LATS2: variants seen among roughly 807,000 people sequenced by gnomAD.
The protein encoded by LATS2 is serine/threonine-protein kinase LATS2.
LATS2 carries 24 observed loss-of-function variants against 76.0 expected under a neutral mutation model. The observed-to-expected ratio is 0.32, with a 90% CI of 0.23 to 0.44. The LOEUF (loss-of-function observed/expected upper bound fraction) is 0.44. LATS2 is among the 20% of genes least tolerant of loss of function. LATS2 has a pLI of 1.00. For missense variants in LATS2, 1,286 were observed against 1,481.2 expected, an observed-to-expected ratio of 0.87 and a Z score of 2.16; for synonymous variants, 692 against 635.4, an observed-to-expected ratio of 1.09 and a Z score of -1.34.
At chr13:21,009,542 T>C (rs957848861) in intron 2 of LATS2, among the ~76,000 whole-genome samples, 3 of 152,172 alleles carry the variant, frequency 2.0e-5, no homozygotes, top group Admixed American at 1.3e-4. Flanking sequence ...ACAACAAAAA[T>C]GTAGGTAACA....
At position 20,973,206 on chromosome 13, in the gene LATS2, T is replaced by C; in HGVS notation, c.*1664A>G. ...CACGACTATAAAATAGCGAGAATAC[T>C]GACAGTCACGACGACAGGCACAGCA... On this transcript the variant is annotated 3_prime_UTR_variant, in exon 8 of 8. Transcript: ENST00000382592. The C allele has an allele frequency of 8.6e-6, 2 of 232,712 alleles. No homozygotes were observed. Among genetic ancestry groups the C allele is most frequent in the African/African-American group, 2.2e-5 (1 of 45,426 alleles). 14.4% of individuals were successfully genotyped at this position (232,712 alleles called of 1,614,324 possible). A position where few individuals can be genotyped will look rare whatever the true frequency, so the allele number is the denominator to read the frequency against.
chr13:21,033,428 G>A (rs868584039), intron 2 of LATS2, among the ~76,000 whole-genome samples: 3 of 151,820 alleles, frequency 2.0e-5, no homozygotes, highest in South Asian at 4.2e-4. Flanking sequence ...AGATGTGCAC[G>A]GGAAGACTGG....
At chr13:21,007,630 A>G (rs1240643800) in intron 2 of LATS2, among the ~76,000 whole-genome samples, 7 of 622 alleles carry the variant, frequency 0.011, 1 homozygote, top group Non-Finnish European at 0.037. Context: ...TAGTGTATAT[A>G]TATATATATA....
At chr13:20,998,346 C>A (rs1038978349) in intron 2 of LATS2, among the ~76,000 whole-genome samples, 1 of 151,642 alleles carries the variant, frequency 6.6e-6, no homozygotes, top group African/African-American at 2.4e-5. Flanking sequence ...GAGCAAGAGA[C>A]CCTGTCTCAA....
In LATS2 at chr13:21,016,872, C is replaced by T. The variant is rs755169631; in HGVS notation, c.343-25468G>A. 2.2e-4 allele frequency among the ~76,000 whole-genome samples: 33 copies of T among 152,206 alleles called. 1 individual carries two copies. Among genetic ancestry groups the T allele is most frequent in the Non-Finnish European group, 2.6e-4 (18 of 68,032 alleles). On this transcript the variant is annotated intron_variant, in intron 2 of 7. Coordinates refer to ENST00000382592, the MANE Select transcript of LATS2 (RefSeq NM_014572.3). ...TTATCACGGCAGAGTCCTTAACTGC[C>T]TACCTTGTTCCTGTTGTTAAGTCCG...
At chr13:21,038,981 G>GAAAACA (rs1307685750) in intron 2 of LATS2, among the ~76,000 whole-genome samples, 9 of 152,148 alleles carry the variant, frequency 5.9e-5, no homozygotes, top group Admixed American at 4.6e-4. Context: ...TCCATCTCAA[G>GAAAACA]AAAACAAAAA....
At chr13:21,014,173 G>A (rs566054908) in intron 2 of LATS2, among the ~76,000 whole-genome samples, 6 of 152,208 alleles carry the variant, frequency 3.9e-5, no homozygotes, top group East Asian at 1.9e-4. Flanking sequence ...AATATGAGTC[G>A]GGGGCAGGGG....
chr13:21,035,159 T>C (rs1210072529), intron 2 of LATS2, among the ~76,000 whole-genome samples: 1 of 152,092 alleles, frequency 6.6e-6, no homozygotes, highest in East Asian at 1.9e-4. Flanking sequence ...AAAAATTGCA[T>C]GATGAATGTG....
intron 2 of LATS2, among the ~76,000 whole-genome samples, chr13:21,035,721 G>A (rs2138386984): frequency 6.6e-6 from 1 of 152,262 alleles, no homozygotes; most frequent in Admixed American, 6.5e-5. Flanking sequence ...TATCTGTACT[G>A]CACACTGGGA....
At position 20,989,197 on chromosome 13, in the gene LATS2, T is replaced by G; in HGVS notation, c.583A>C (p.Ser195Arg). The change falls in exon 4 of 8, where the codon AGC becomes CGC. Residue 195 changes from serine (S) to arginine (R), a missense_variant. Physicochemically the swap from Ser to Arg is moderately radical, Grantham distance 110 (BLOSUM62 -1). Around this residue, in one of 5 missense-constraint regions of LATS2, gnomAD observed 710 missense variants for 660.9 expected, o/e 1.07. Transcript: ENST00000382592. ...QLSGTPYEGP[S>R]FGADGPTALE... ...GCCGTGGGGCCGTCAGCGCCGAAGC[T>G]TGGGCCCTCGTAGGGGGTACCGCTC... 3 of 1,613,662 alleles carry G rather than the reference T, an allele frequency of 1.9e-6. No homozygotes were observed. Among genetic ancestry groups the G allele is most frequent in the Non-Finnish European group, 2.5e-6 (3 of 1,179,988 alleles).
rs2138297586 is a variant in LATS2 at position 20,991,757 on chromosome 13, A to G, written c.343-353T>C. Among the ~76,000 whole-genome samples, 1 of 152,366 alleles carries G rather than the reference A, an allele frequency of 6.6e-6. No individual in the cohort carries two copies. Among genetic ancestry groups the G allele is most frequent in the Middle Eastern group, 3.4e-3 (1 of 294 alleles). Reference sequence around the variant, plus strand: ...ATGAACCTAAAACTAGAAACATTTAAGGGGAAGAACTGTGGGAGTCAGGGA... The same window carrying G: ...ATGAACCTAAAACTAGAAACATTTAGGGGGAAGAACTGTGGGAGTCAGGGA... On this transcript the variant is annotated intron_variant, in intron 2 of 7. Transcript: ENST00000382592. This position sits in a 1 kb window ranked among gnomAD's most constrained non-coding sequence, Gnocchi z 4.9.
chr13:21,060,193 C>G (rs9552339), intron 1 of LATS2, among the ~76,000 whole-genome samples: 101,990 of 151,950 alleles, frequency 0.67, 34,790 homozygotes, highest in Non-Finnish European at 0.75. Context: ...TGGAGACTTG[C>G]ATTTCACAAA....
chr13:20,991,714 T>C lies in LATS2; in HGVS notation c.343-310A>G, dbSNP rs952693089. Among the ~76,000 whole-genome samples, 21 of 152,226 alleles carry C rather than the reference T, an allele frequency of 1.4e-4. No homozygotes were observed. The highest frequency in any genetic ancestry group is 4.6e-4 in the African/African-American group (19 of 41,452). On this transcript the variant is annotated intron_variant, in intron 2 of 7. Coordinates refer to ENST00000382592, the MANE Select transcript of LATS2 (RefSeq NM_014572.3). This position sits in a 1 kb window ranked among gnomAD's most constrained non-coding sequence, Gnocchi z 4.9. ...CTTCTCCTCAGAAAACTTTTGTGGT[T>C]GGACTGGTGAGTTCAGGATGAACCT...
intron 2 of LATS2, among the ~76,000 whole-genome samples, chr13:21,008,591 AG>A (rs1366582785): frequency 6.6e-6 from 1 of 152,210 alleles, no homozygotes; most frequent in African/African-American, 2.4e-5. Flanking sequence ...AATAGTCACA[AG>A]AAGTCCAATG....
intron 2 of LATS2, among the ~76,000 whole-genome samples, chr13:21,006,593 C>T (rs1871276567): frequency 6.6e-6 from 1 of 152,198 alleles, no homozygotes; most frequent in South Asian, 2.1e-4. Context: ...CAAGCCACTC[C>T]TGGCTCCTGA....
At chr13:20,997,630 C>T (rs1870812820) in intron 2 of LATS2, among the ~76,000 whole-genome samples, 1 of 152,218 alleles carries the variant, frequency 6.6e-6, no homozygotes, top group Admixed American at 6.5e-5. Context: ...CAGCTGCTGA[C>T]CAGCTGCCAG....
rs35074574 is a variant in LATS2 at position 20,990,461 on chromosome 13, ATTTTTTTTT to A, written c.475+802_475+810del. On this transcript the variant is annotated intron_variant, in intron 3 of 7. Transcript: ENST00000382592. ...GGGAAAACTCTTGCTAATTACTAGG[ATTTTTTTTT>A]TTTTTTTTTTTTTTTTTAAATACAG... Among the ~76,000 whole-genome samples the A allele has an allele frequency of 9.1e-3, 862 of 94,496 alleles. 7 individuals carry two copies. Among genetic ancestry groups the A allele is most frequent in the East Asian group, 0.078 (246 of 3,172 alleles). 62.0% of individuals were successfully genotyped at this position (94,496 alleles called of 152,430 possible). A position where few individuals can be genotyped will look rare whatever the true frequency, so the allele number is the denominator to read the frequency against.
chr13:21,026,761 G>A (rs980218068), intron 2 of LATS2, among the ~76,000 whole-genome samples: 1 of 152,186 alleles, frequency 6.6e-6, no homozygotes, highest in Non-Finnish European at 1.5e-5. Flanking sequence ...ATGGAGACCA[G>A]CCTAGGTAAC....
intron 2 of LATS2, among the ~76,000 whole-genome samples, chr13:21,018,495 C>A (rs1425540464): frequency 6.6e-6 from 1 of 152,204 alleles, no homozygotes; most frequent in African/African-American, 2.4e-5. Flanking sequence ...GTCCACCTGG[C>A]CTTTGATGAA....
Sources: gnomAD v4.1 joint callset for allele counts (sites outside exome capture counted in the v4.1 genomes callset) on GRCh38, gnomAD v4.1.1 for gene constraint, gnomAD v4.1.1 regional missense constraint, Gnocchi (gnomAD v3.1) non-coding constraint, MANE v1.5 for transcripts, NCBI Gene and HGNC (gene_info 2026-07-23, HGNC 2026-07-21) for gene names.